The following RASA1 variants were observed in gnomAD, a reference collection of about 807,000 sequenced individuals.
The protein encoded by RASA1 is ras GTPase-activating protein 1.
In RASA1, 25 loss-of-function variants were observed where a neutral mutation model predicts 132.2. The ratio of observed to expected loss-of-function variants is 0.19; its 90% CI spans 0.14 to 0.26. The LOEUF (loss-of-function observed/expected upper bound fraction) is 0.26. Ranked by LOEUF, RASA1 falls within the 10% of genes least tolerant of loss-of-function variation. The pLI, the probability that RASA1 is intolerant of heterozygous loss-of-function variation, is 1.00. For missense variants in RASA1, 964 were observed against 1,299.2 expected (o/e 0.74, Z 3.97); for synonymous variants, 477 against 449.9 (o/e 1.06, Z -0.76).
chr5:87,321,061 A>G (rs1248179978), intron 1 of RASA1, among the ~76,000 whole-genome samples: 1 of 152,144 alleles, frequency 6.6e-6, no homozygotes. Flanking sequence ...CCTATTAGGG[A>G]GATAAATCTT....
intron 12 of RASA1, among the ~76,000 whole-genome samples, chr5:87,371,626 G>A (rs1214615290): frequency 6.6e-6 from 1 of 152,002 alleles, no homozygotes; most frequent in Non-Finnish European, 1.5e-5. Flanking sequence ...ATTTCTACCT[G>A]TATCATGGTC....
rs528357903 is a variant in RASA1, at chr5:87,369,849, T to C, written c.1647T>C (p.Ser549=). ...TTCAGATAGTAGTTCAGCACTTTAG[T>C]GAAGAACATTACATCTTTTACTTTG... is the stretch of plus-strand genomic sequence containing the variant. ...NCFQIVVQHF[S]EEHYIFYFAG... Residue 549 remains serine, a synonymous_variant, in exon 12 of 25, where the codon AGT becomes AGC. Coordinates refer to ENST00000274376, the MANE Select transcript of RASA1 (RefSeq NM_002890.3). 3.7e-6 allele frequency: 6 copies of C among 1,612,402 alleles called. No homozygotes were observed. In the South Asian group the frequency reaches 6.6e-5, roughly 18 times the overall value.
At position 87,335,000 on chromosome 5, in the gene RASA1, G is replaced by A. The variant is rs185099621; in HGVS notation, c.899+1663G>A. 3.0e-4 allele frequency among the ~76,000 whole-genome samples: 46 copies of A among 152,022 alleles called. No individual in the cohort carries two copies. In the Middle Eastern group the frequency reaches 0.017, roughly 56 times the overall value. The stretch of plus-strand genomic sequence containing the variant: ...CTGGGTTCAAGGGATTCTTTGCCTC[G>A]GTCTTCTGAGCAGCTGGAATTACAG... On this transcript the variant is annotated intron_variant, in intron 4 of 24. Transcript: ENST00000274376.
At chr5:87,364,573 C>T (rs1760364598) in intron 11 of RASA1, among the ~76,000 whole-genome samples, 2 of 152,018 alleles carry the variant, frequency 1.3e-5, no homozygotes, top group African/African-American at 4.8e-5. Context: ...ACAAAGATTG[C>T]GTGAGGACAG....
At chr5:87,370,007 T>C in intron 12 of RASA1, 107 bp downstream of exon 12, 1 of 927,434 alleles carries the variant, frequency 1.1e-6, no homozygotes, top group Non-Finnish European at 1.7e-6. Flanking sequence ...ACAGAACGCC[T>C]GAAATCTAAT....
rs1212191068 is a variant in RASA1, at chr5:87,268,808, G to C, written c.357G>C (p.Leu119=). Reference sequence around the variant, plus strand: ...GTGGAGACATGGCTCTCACCAAACTGCCCACTTCGTTGCTTGCTGAGACTC... The same window carrying C: ...GTGGAGACATGGCTCTCACCAAACTCCCCACTTCGTTGCTTGCTGAGACTC... ...GPSGDMALTK[L]PTSLLAETLG... The change falls in exon 1 of 25, where the codon CTG becomes CTC. Residue 119 remains leucine (L), a synonymous_variant. Transcript: ENST00000274376. The C allele has an allele frequency of 5.0e-6, 8 of 1,613,974 alleles. No individual in the cohort carries two copies. The South Asian group carries it at 8.8e-5, about 18-fold the overall frequency.
chr5:87,365,519 A>G (rs1176334572), intron 11 of RASA1, among the ~76,000 whole-genome samples: 4 of 152,094 alleles, frequency 2.6e-5, no homozygotes, highest in Non-Finnish European at 5.9e-5. Flanking sequence ...TTAACAGAGA[A>G]GTTAAAATTG....
chr5:87,303,113 C>G (rs185327873), intron 1 of RASA1, among the ~76,000 whole-genome samples: 109 of 152,180 alleles, frequency 7.2e-4, no homozygotes, highest in Middle Eastern at 3.4e-3. Context: ...TCACTTCTGT[C>G]CCATTAGTCT....
intron 20 of RASA1, among the ~76,000 whole-genome samples, chr5:87,381,867 CAT>C (rs1360172902): frequency 2.0e-5 from 3 of 152,174 alleles, no homozygotes; most frequent in Non-Finnish European, 4.4e-5. Context: ...GTTTCAGGCT[CAT>C]AGACCTACTA....
chr5:87,389,278 C>A, intron 23 of RASA1, 115 bp from the exon 24 acceptor site: 6 of 1,372,644 alleles, frequency 4.4e-6, no homozygotes, highest in Non-Finnish European at 4.1e-6. Flanking sequence ...TTGCAGTGAG[C>A]CGAGATCATG....
At chr5:87,365,093 G>A (rs930591529) in intron 11 of RASA1, among the ~76,000 whole-genome samples, 1 of 152,116 alleles carries the variant, frequency 6.6e-6, no homozygotes, top group Non-Finnish European at 1.5e-5. Context: ...TCAGTAATAT[G>A]AAATAGGTGG....
chr5:87,390,169 A>C (rs1762393635), intron 24 of RASA1, among the ~76,000 whole-genome samples: 1 of 152,228 alleles, frequency 6.6e-6, no homozygotes. Flanking sequence ...ATACCAGGTC[A>C]ATTAAGATAT....
chr5:87,379,623 CAG>C, intron 18 of RASA1, 110 bp from the exon 19 acceptor site: 1 of 1,422,838 alleles, frequency 7.0e-7, no homozygotes, highest in South Asian at 1.4e-5. Context: ...TCAATACACA[CAG>C]AGATACCGAA....
chr5:87,386,010 G>A (rs1389554620), intron 22 of RASA1, among the ~76,000 whole-genome samples: 4 of 151,852 alleles, frequency 2.6e-5, no homozygotes, highest in African/African-American at 7.2e-5. Flanking sequence ...AAGTAAATAC[G>A]TTTTAGGCTT....
chr5:87,382,020 C>T (rs766502993), intron 20 of RASA1, among the ~76,000 whole-genome samples: 6 of 152,080 alleles, frequency 3.9e-5, no homozygotes, highest in African/African-American at 9.7e-5. Flanking sequence ...GGTGTGATTT[C>T]GGCTTACTGC....
At chr5:87,335,114 T>C (rs932176870) in intron 4 of RASA1, among the ~76,000 whole-genome samples, 6 of 152,164 alleles carry the variant, frequency 3.9e-5, no homozygotes, top group Admixed American at 3.9e-4. Flanking sequence ...ACTCTTGACC[T>C]CAAGTGATCT....
intron 23 of RASA1, 40 bp from the exon 24 acceptor site, chr5:87,389,353 G>A: frequency 4.3e-6 from 7 of 1,611,908 alleles, no homozygotes; most frequent in Non-Finnish European, 5.9e-6. Flanking sequence ...AAAAAAAGAA[G>A]ATTTGTATTT....
At chr5:87,379,619 C>T in intron 18 of RASA1, 116 bp from the exon 19 acceptor site, 3 of 1,386,290 alleles carry the variant, frequency 2.2e-6, no homozygotes, top group South Asian at 1.4e-5. Context: ...AAGATCAATA[C>T]ACACAGAGAT....
intron 1 of RASA1, among the ~76,000 whole-genome samples, chr5:87,315,596 G>A (rs1009756484): frequency 1.8e-4 from 27 of 152,216 alleles, no homozygotes; most frequent in African/African-American, 4.8e-4. Flanking sequence ...GCTATCTTTT[G>A]GGTTTTTCAG....
Sources: allele counts gnomAD v4.1 joint callset (sites outside exome capture counted in the v4.1 genomes callset), GRCh38; gene constraint gnomAD v4.1.1; transcripts MANE v1.5; gene names NCBI Gene and HGNC (gene_info 2026-07-23, HGNC 2026-07-21).